Variants in SYNRG observed in about 807,000 individuals in gnomAD.
SYNRG encodes synergin gamma.
SYNRG carries 37 observed loss-of-function variants against 130.9 expected under a neutral mutation model. The observed-to-expected ratio is 0.28, with a 90% CI of 0.22 to 0.37. SYNRG has a LOEUF of 0.37. Among genes scored for constraint, SYNRG ranks in the 10% least tolerant of loss-of-function variants. The pLI, the probability that SYNRG is intolerant of heterozygous loss-of-function variation, is 1.00. For missense variants in SYNRG, 1,338 were observed against 1,588.9 expected (o/e 0.84, Z 2.68); for synonymous variants, 539 against 568.1 (o/e 0.95, Z 0.73).
intron 2 of SYNRG, among the ~76,000 whole-genome samples, chr17:37,598,639 A>G (rs759527911): frequency 2.0e-5 from 3 of 152,156 alleles, no homozygotes; most frequent in Non-Finnish European, 2.9e-5. Context: ...GGTTTCTTAC[A>G]TATGTTTTCA....
chr17:37,553,436 G>C lies in SYNRG; in HGVS notation c.2287C>G (p.Leu763Val), dbSNP rs1247791808. 6.2e-7 allele frequency: 1 copy of C among 1,614,148 alleles called. No individual in the cohort carries two copies. Among genetic ancestry groups the C allele is most frequent in the East Asian group, 2.2e-5 (1 of 44,886 alleles). The change falls in exon 14 of 22, where the codon CTG (leucine) becomes GTG (valine). Residue 763 changes from leucine to valine, a missense_variant. This residue lies in a region of SYNRG where 1,146 missense variants were observed against 1,342.3 expected (regional missense o/e 0.85). Coordinates refer to ENST00000612223, the MANE Select transcript of SYNRG (RefSeq NM_007247.6). The stretch of plus-strand genomic sequence containing the variant: ...TTTCCTGAAGGAGTGTTATCTTTCA[G>C]GTCTTCAACACCTAGTCCAGACCCT... The part of the protein sequence containing the change: ...LEGSGLGVED[L>V]KDNTPSGKSD...
At position 37,553,179 on chromosome 17, in the gene SYNRG, C is replaced by CTT; in HGVS notation, c.2542_2543dup (p.His849SerfsTer24). On this transcript the variant is annotated frameshift_variant, in exon 14 of 22. Transcript: ENST00000612223. LOFTEE classifies it high-confidence loss of function. ...CCAAAGAGCTATCAGACATGACATG[C>CTT]TTAAGATCTCCTCCCACATCAGCCA... 6.2e-7 allele frequency: 1 copy of CTT among 1,614,116 alleles called. No individual in the cohort carries two copies. The highest frequency in any genetic ancestry group is 1.1e-5 in the South Asian group (1 of 91,062).
At chr17:37,602,724 C>A (rs112945484) in intron 1 of SYNRG, among the ~76,000 whole-genome samples, 51 of 152,046 alleles carry the variant, frequency 3.4e-4, no homozygotes, top group African/African-American at 9.9e-4. Flanking sequence ...GGGATTAACA[C>A]GCGAAGGAGC....
chr17:37,565,754 G>A (rs1384418178), intron 11 of SYNRG, among the ~76,000 whole-genome samples: 11 of 151,750 alleles, frequency 7.2e-5, no homozygotes, highest in African/African-American at 2.7e-4. Context: ...TGGGAGGTGA[G>A]GAGCGTCTCT....
At chr17:37,599,705 G>A (rs777942342) in intron 2 of SYNRG, among the ~76,000 whole-genome samples, 1 of 152,152 alleles carries the variant, frequency 6.6e-6, no homozygotes, top group Non-Finnish European at 1.5e-5. Flanking sequence ...CTGGACGACA[G>A]AGCAAGAGAC....
intron 13 of SYNRG, among the ~76,000 whole-genome samples, chr17:37,556,240 T>C (rs2059113115): frequency 6.6e-6 from 1 of 151,946 alleles, no homozygotes; most frequent in African/African-American, 2.4e-5. Context: ...ACCTGAGGTC[T>C]GGAGTTTGAG....
At chr17:37,573,445 G>A (rs1439613868) in intron 8 of SYNRG, among the ~76,000 whole-genome samples, 2 of 152,106 alleles carry the variant, frequency 1.3e-5, no homozygotes, top group Non-Finnish European at 2.9e-5. Context: ...TGACTAGAAA[G>A]TATACATGCA....
intron 5 of SYNRG, 68 bp downstream of exon 5, chr17:37,585,257 T>C: frequency 2.3e-6 from 3 of 1,299,192 alleles, no homozygotes; most frequent in Non-Finnish European, 3.3e-6. Flanking sequence ...CGAAATCCAC[T>C]CAATGAGTGG....
At chr17:37,575,625 G>T (rs1005620971) in intron 8 of SYNRG, among the ~76,000 whole-genome samples, 1 of 151,574 alleles carries the variant, frequency 6.6e-6, no homozygotes, top group Non-Finnish European at 1.5e-5. Flanking sequence ...CAGATCACTT[G>T]AGCCCAGGAG....
chr17:37,567,853 A>G (rs2060111292), intron 11 of SYNRG: 1 of 152,230 alleles, frequency 6.6e-6, no homozygotes, highest in Non-Finnish European at 1.5e-5. Flanking sequence ...AAAGGAATTC[A>G]TATCGCTTAC....
At chr17:37,575,491 T>C (rs1165115663) in intron 8 of SYNRG, among the ~76,000 whole-genome samples, 1 of 152,070 alleles carries the variant, frequency 6.6e-6, no homozygotes, top group Non-Finnish European at 1.5e-5. Flanking sequence ...AAAATGCACT[T>C]TAAGGATTTT....
intron 1 of SYNRG, among the ~76,000 whole-genome samples, chr17:37,604,403 A>C: frequency 6.6e-6 from 1 of 152,082 alleles, no homozygotes; most frequent in East Asian, 1.9e-4. Context: ...TCATAAACTG[A>C]CCTGTTAGCT....
intron 14 of SYNRG, 90 bp from the exon 15 acceptor site, chr17:37,542,655 G>A: frequency 6.4e-6 from 6 of 944,410 alleles, no homozygotes; most frequent in Non-Finnish European, 9.4e-6. Flanking sequence ...TAGCATATTT[G>A]ATTAGTTTTA....
At chr17:37,532,180 C>T (rs1035653340) in intron 19 of SYNRG, among the ~76,000 whole-genome samples, 4 of 152,200 alleles carry the variant, frequency 2.6e-5, no homozygotes, top group African/African-American at 9.6e-5. Flanking sequence ...TAGTGCCTGG[C>T]ACTGTGCTCA....
chr17:37,608,653 C>CT (rs1004762641), intron 1 of SYNRG, among the ~76,000 whole-genome samples: 1 of 152,026 alleles, frequency 6.6e-6, no homozygotes, highest in Non-Finnish European at 1.5e-5. Context: ...TTTTAAATGC[C>CT]TTTTTAAAAA....
chr17:37,551,969 A>G (rs527451746), intron 14 of SYNRG, among the ~76,000 whole-genome samples: 4 of 152,230 alleles, frequency 2.6e-5, no homozygotes, highest in African/African-American at 9.6e-5. Flanking sequence ...GCAAGTAGCA[A>G]CATGAAACAT....
At chr17:37,530,578 T>C (rs1009267871) in intron 19 of SYNRG, among the ~76,000 whole-genome samples, 2 of 152,152 alleles carry the variant, frequency 1.3e-5, no homozygotes, top group African/African-American at 2.4e-5. Flanking sequence ...TCAAAGAAAA[T>C]TGGAGGACTG....
At chr17:37,559,992 G>A (rs527561053) in intron 13 of SYNRG, among the ~76,000 whole-genome samples, 68 of 152,230 alleles carry the variant, frequency 4.5e-4, no homozygotes, top group African/African-American at 1.6e-3. Flanking sequence ...CGACCTCCCA[G>A]GCTCAAGCAA....
At chr17:37,562,438 C>G (rs1487422609) in intron 11 of SYNRG, among the ~76,000 whole-genome samples, 1 of 152,120 alleles carries the variant, frequency 6.6e-6, no homozygotes, top group African/African-American at 2.4e-5. Flanking sequence ...AGGCAGCTCC[C>G]TGGAAGAACC....
Sources: allele counts gnomAD v4.1 joint callset (sites outside exome capture counted in the v4.1 genomes callset), GRCh38; gene constraint gnomAD v4.1.1; regional missense constraint gnomAD v4.1.1; transcripts MANE v1.5; gene names NCBI Gene and HGNC (gene_info 2026-07-23, HGNC 2026-07-21).